PTPRZ1: variants seen among roughly 807,000 people sequenced by gnomAD.
PTPRZ1 encodes the protein protein tyrosine phosphatase receptor type Z1.
Under a neutral mutation model 214.1 loss-of-function variants are expected in PTPRZ1, and 82 were observed. The observed-to-expected ratio is 0.38, with a 90% CI of 0.32 to 0.46. PTPRZ1 has a LOEUF of 0.46. PTPRZ1 is among the 20% of genes least tolerant of loss of function. The pLI, the probability that PTPRZ1 is intolerant of heterozygous loss-of-function variation, is 1.00. For missense variants in PTPRZ1, 2,603 were observed against 2,748.7 expected (o/e 0.95, Z 1.19); for synonymous variants, 945 against 987.9 (o/e 0.96, Z 0.81).
chr7:122,024,555 A>G (rs879727605), intron 13 of PTPRZ1, among the ~76,000 whole-genome samples: 1 of 152,076 alleles, frequency 6.6e-6, no homozygotes, highest in Non-Finnish European at 1.5e-5. Context: ...CCTAACCAAT[A>G]TGCAAATGAC....
At chr7:122,014,296 C>A (rs1480581991) in intron 12 of PTPRZ1, among the ~76,000 whole-genome samples, 6 of 151,096 alleles carry the variant, frequency 4.0e-5, no homozygotes, top group Non-Finnish European at 7.4e-5. Flanking sequence ...TAAACTAATT[C>A]TATTTAATTA....
chr7:121,904,938 G>A (rs1483687043), intron 1 of PTPRZ1, among the ~76,000 whole-genome samples: 1 of 151,966 alleles, frequency 6.6e-6, no homozygotes. Flanking sequence ...ATTAAAGCTG[G>A]GTCTTTAACT....
At chr7:121,975,141 C>G (rs1348824731) in intron 4 of PTPRZ1, among the ~76,000 whole-genome samples, 1 of 152,158 alleles carries the variant, frequency 6.6e-6, no homozygotes. Context: ...GAGCCATGAT[C>G]ATGCCACTGC....
intron 24 of PTPRZ1, 108 bp from the exon 25 acceptor site, chr7:122,051,758 C>A: frequency 9.6e-7 from 1 of 1,036,736 alleles, no homozygotes; most frequent in Non-Finnish European, 1.4e-6. Flanking sequence ...AAAAATGTAG[C>A]TATATTTTAC....
chr7:121,903,482 A>C (rs1795029340), intron 1 of PTPRZ1, among the ~76,000 whole-genome samples: 1 of 152,322 alleles, frequency 6.6e-6, no homozygotes. Flanking sequence ...TTATCAAACA[A>C]ATTGAAAGAA....
chr7:121,922,574 CA>C (rs34974311), intron 1 of PTPRZ1, among the ~76,000 whole-genome samples: 7 of 146,050 alleles, frequency 4.8e-5, no homozygotes, highest in African/African-American at 1.3e-4. Context: ...GACTCCGCCT[CA>C]AAAAAAAAAG....
chr7:122,027,056 T>C (rs1584756534), intron 13 of PTPRZ1, among the ~76,000 whole-genome samples: 2 of 152,160 alleles, frequency 1.3e-5, no homozygotes. Context: ...TTTCAAATAG[T>C]GATGTGCCAC....
At chr7:122,032,988 A>G (rs1389183348) in intron 15 of PTPRZ1, among the ~76,000 whole-genome samples, 2 of 152,284 alleles carry the variant, frequency 1.3e-5, no homozygotes, top group African/African-American at 2.4e-5. Flanking sequence ...TAACAAAATA[A>G]GAAAAAATAG....
At chr7:122,039,663 A>T in intron 20 of PTPRZ1, 75 bp downstream of exon 20, 2 of 1,535,398 alleles carry the variant, frequency 1.3e-6, no homozygotes, top group Middle Eastern at 1.9e-4. Flanking sequence ...AAGCGATAGA[A>T]CCAAGAAAGG....
intron 12 of PTPRZ1, 22 bp downstream of exon 12, chr7:122,013,911 C>T: frequency 6.5e-7 from 1 of 1,548,684 alleles, no homozygotes; most frequent in Non-Finnish European, 8.7e-7. Flanking sequence ...ATCAGAAGGA[C>T]AGATTGAGGT....
At chr7:122,058,683 C>T in intron 27 of PTPRZ1, 117 bp from the exon 28 acceptor site, 4 of 754,376 alleles carry the variant, frequency 5.3e-6, no homozygotes, top group Non-Finnish European at 8.4e-6. Flanking sequence ...ACTACTGCTG[C>T]TCACTCATGC....
intron 1 of PTPRZ1, among the ~76,000 whole-genome samples, chr7:121,920,671 A>G (rs1337527872): frequency 6.6e-6 from 1 of 152,142 alleles, no homozygotes; most frequent in African/African-American, 2.4e-5. Flanking sequence ...GGTTGACAGG[A>G]AAAAAATGTG....
At position 122,042,527 on chromosome 7, in the gene PTPRZ1, C is replaced by T. The variant is rs375127716; in HGVS notation, c.5802-81C>T. On this transcript the variant is annotated intron_variant, in intron 21 of 29. Coordinates refer to ENST00000393386, the MANE Select transcript of PTPRZ1 (RefSeq NM_002851.3). ...TGAAGAAGGAAGTTATTTTAATCAA[C>T]ATGACAACCAGTAGTGATCTATTTT... 3.7e-4 allele frequency: 502 copies of T among 1,345,740 alleles called. 6 individuals are homozygous for T. The East Asian group carries it at 5.5e-3, about 15-fold the overall frequency. 83.4% of individuals were successfully genotyped at this position (1,345,740 alleles called of 1,614,324 possible).
At chr7:122,060,335 A>C (rs193001450) in intron 29 of PTPRZ1, among the ~76,000 whole-genome samples, 3 of 152,300 alleles carry the variant, frequency 2.0e-5, no homozygotes, top group African/African-American at 7.2e-5. Context: ...CTTGTGCTGC[A>C]TGAAACTCCT....
At chr7:121,933,480 A>G (rs891188802) in intron 2 of PTPRZ1, among the ~76,000 whole-genome samples, 2 of 152,120 alleles carry the variant, frequency 1.3e-5, no homozygotes, top group African/African-American at 4.8e-5. Flanking sequence ...AACACCTTTA[A>G]AATTTTAGTT....
chr7:121,926,827 A>G (rs1032427823), intron 1 of PTPRZ1, among the ~76,000 whole-genome samples: 6 of 152,222 alleles, frequency 3.9e-5, no homozygotes, highest in African/African-American at 9.6e-5. Flanking sequence ...AAACTATTGT[A>G]AAATATAGAT....
chr7:122,050,832 G>A (rs564308934), intron 23 of PTPRZ1, among the ~76,000 whole-genome samples: 1 of 152,068 alleles, frequency 6.6e-6, no homozygotes, highest in East Asian at 1.9e-4. Flanking sequence ...TCATTTACCC[G>A]ACTGTCAAAA....
chr7:122,035,038 C>T (rs999970453), intron 17 of PTPRZ1, among the ~76,000 whole-genome samples: 6 of 152,090 alleles, frequency 3.9e-5, no homozygotes, highest in African/African-American at 1.4e-4. Flanking sequence ...TATTCCCCTT[C>T]ATCTCCTAAA....
intron 14 of PTPRZ1, 51 bp from the exon 15 acceptor site, chr7:122,031,423 G>T: frequency 7.6e-7 from 1 of 1,312,060 alleles, no homozygotes; most frequent in African/African-American, 1.5e-5. Context: ...TGATAGGTAC[G>T]TTTATTTCTG....
Sources: allele counts gnomAD v4.1 joint callset (sites outside exome capture counted in the v4.1 genomes callset), GRCh38; gene constraint gnomAD v4.1.1; transcripts MANE v1.5; gene names NCBI Gene and HGNC (gene_info 2026-07-23, HGNC 2026-07-21).